MTUS2: variants seen among roughly 807,000 people sequenced by gnomAD.
MTUS2 encodes the protein microtubule-associated tumor suppressor candidate 2.
In MTUS2, 40 loss-of-function variants were observed where a neutral mutation model predicts 114.1. The observed-to-expected ratio is 0.35, with a 90% CI of 0.27 to 0.46. The LOEUF is 0.46. Ranked by LOEUF, MTUS2 falls within the 20% of genes least tolerant of loss-of-function variation. The pLI is 1.00. For synonymous variants in MTUS2, 688 were observed against 672.0 expected, an observed-to-expected ratio of 1.02 and a Z score of -0.37; for missense variants, 1,679 against 1,705.4, an observed-to-expected ratio of 0.98 and a Z score of 0.27.
intron 5 of MTUS2, among the ~76,000 whole-genome samples, chr13:29,219,611 G>C (rs1403044514): frequency 6.6e-6 from 1 of 152,170 alleles, no homozygotes; most frequent in South Asian, 2.1e-4. Context: ...TCTCTAGTTA[G>C]GAAGGTCCTA....
At chr13:29,301,903 C>T (rs902721983) in intron 6 of MTUS2, among the ~76,000 whole-genome samples, 1 of 152,126 alleles carries the variant, frequency 6.6e-6, no homozygotes, top group Non-Finnish European at 1.5e-5. Context: ...ATAGATGGTG[C>T]CTTCTTGCTG....
At chr13:29,465,459 G>T (rs1256133186) in intron 9 of MTUS2, among the ~76,000 whole-genome samples, 1 of 152,202 alleles carries the variant, frequency 6.6e-6, no homozygotes, top group African/African-American at 2.4e-5. Flanking sequence ...TGGGAGAAAT[G>T]CCATAGCTGG....
At chr13:28,994,516 A>G (rs1381654343) in intron 2 of MTUS2, among the ~76,000 whole-genome samples, 1 of 152,204 alleles carries the variant, frequency 6.6e-6, no homozygotes, top group African/African-American at 2.4e-5. Flanking sequence ...CAGTCCCACC[A>G]ATGGTGTAAA....
At chr13:29,056,786 A>G (rs1470819812) in intron 4 of MTUS2, among the ~76,000 whole-genome samples, 1 of 151,862 alleles carries the variant, frequency 6.6e-6, no homozygotes, top group Non-Finnish European at 1.5e-5. Context: ...ATTTTGTATT[A>G]ATGTTTTACA....
At chr13:29,303,228 A>G (rs7991751) in intron 6 of MTUS2, among the ~76,000 whole-genome samples, 123,954 of 152,236 alleles carry the variant, frequency 0.81, 50,924 homozygotes, top group Admixed American at 0.88. Context: ...TGAAAACTCA[A>G]AAAGCCAGAG....
chr13:29,058,506 A>G (rs1888245890), intron 4 of MTUS2, among the ~76,000 whole-genome samples: 1 of 142,500 alleles, frequency 7.0e-6, no homozygotes, highest in Non-Finnish European at 1.5e-5. Context: ...TTTTTGTCTG[A>G]CAGTTATTTT....
chr13:29,492,916 A>G (rs566032500), intron 12 of MTUS2, among the ~76,000 whole-genome samples, 197 bp downstream of exon 12: 1 of 152,352 alleles, frequency 6.6e-6, no homozygotes, highest in African/African-American at 2.4e-5. Context: ...ATAGTATCAG[A>G]CAACAGGTAA....
chr13:28,882,614 G>C (rs1347419906), intron 2 of MTUS2, among the ~76,000 whole-genome samples: 1 of 152,040 alleles, frequency 6.6e-6, no homozygotes, highest in Non-Finnish European at 1.5e-5. Context: ...ACATGTTTCT[G>C]TAGTCTCAAT....
chr13:29,107,297 A>G (rs1370228304), intron 5 of MTUS2, among the ~76,000 whole-genome samples: 1 of 152,042 alleles, frequency 6.6e-6, no homozygotes, highest in East Asian at 1.9e-4. Context: ...GCCTCTTAAT[A>G]ATTTTAGTAT....
At chr13:29,420,910 T>G (rs1317537966) in intron 8 of MTUS2, among the ~76,000 whole-genome samples, 3 of 152,164 alleles carry the variant, frequency 2.0e-5, no homozygotes, top group African/African-American at 4.8e-5. Flanking sequence ...TGTCAAAAAC[T>G]AACAGACAGG....
chr13:29,081,833 G>T (rs1376226468), intron 4 of MTUS2, among the ~76,000 whole-genome samples: 1 of 152,004 alleles, frequency 6.6e-6, no homozygotes, highest in Non-Finnish European at 1.5e-5. Flanking sequence ...CCTTGAACGA[G>T]AAATTGTTGT....
intron 6 of MTUS2, among the ~76,000 whole-genome samples, chr13:29,293,628 C>T (rs1358761502): frequency 6.6e-6 from 1 of 151,994 alleles, no homozygotes; most frequent in Non-Finnish European, 1.5e-5. Flanking sequence ...GATATATGTG[C>T]AGGAACTTTC....
intron 7 of MTUS2, among the ~76,000 whole-genome samples, chr13:29,343,427 C>T (rs1363213558): frequency 4.6e-5 from 7 of 151,854 alleles, no homozygotes; most frequent in African/African-American, 1.7e-4. Flanking sequence ...TCTAGGTTTT[C>T]TACTATGTGC....
intron 5 of MTUS2, among the ~76,000 whole-genome samples, chr13:29,125,994 C>T (rs1027821286): frequency 6.6e-6 from 1 of 152,214 alleles, no homozygotes; most frequent in Non-Finnish European, 1.5e-5. Context: ...CTCTTTTCTT[C>T]TGAAGCAAGA....
chr13:29,012,638 C>T (rs1885897816), intron 2 of MTUS2, among the ~76,000 whole-genome samples: 1 of 152,038 alleles, frequency 6.6e-6, no homozygotes, highest in African/African-American at 2.4e-5. Flanking sequence ...CTTTGGGAGG[C>T]CGAGGCGGGC....
At chr13:29,033,701 A>T (rs1258439273) in intron 3 of MTUS2, among the ~76,000 whole-genome samples, 184 bp from the exon 4 acceptor site, 4 of 152,070 alleles carry the variant, frequency 2.6e-5, no homozygotes, top group Non-Finnish European at 5.9e-5. Flanking sequence ...GACCTGAGAG[A>T]TCATCCAGTG....
intron 5 of MTUS2, among the ~76,000 whole-genome samples, chr13:29,248,438 A>T (rs1406863776): frequency 6.6e-6 from 1 of 152,184 alleles, no homozygotes; most frequent in Non-Finnish European, 1.5e-5. Flanking sequence ...GATACCCTGT[A>T]ATTTTCTTTT....
intron 5 of MTUS2, among the ~76,000 whole-genome samples, chr13:29,194,157 G>A (rs1649047676): frequency 6.6e-6 from 1 of 150,932 alleles, no homozygotes; most frequent in South Asian, 2.1e-4. Context: ...GAAAACCTAG[G>A]CATTACCATT....
intron 7 of MTUS2, among the ~76,000 whole-genome samples, chr13:29,330,698 TC>T (rs1460420755): frequency 2.0e-5 from 3 of 152,208 alleles, no homozygotes; most frequent in Non-Finnish European, 4.4e-5. Flanking sequence ...GGGAATCATT[TC>T]CCCATTGCTT....
Sources: gnomAD v4.1 joint callset for allele counts (sites outside exome capture counted in the v4.1 genomes callset) on GRCh38, gnomAD v4.1.1 for gene constraint, MANE v1.5 for transcripts, NCBI Gene and HGNC (gene_info 2026-07-23, HGNC 2026-07-21) for gene names.